The following PLCE1 variants were observed in gnomAD, a reference collection of about 807,000 sequenced individuals.
The protein encoded by PLCE1 is phospholipase C epsilon 1.
In PLCE1, 119 loss-of-function variants were observed where a neutral mutation model predicts 242.8. The observed-to-expected ratio is 0.49, with a 90% CI of 0.42 to 0.57. The LOEUF is 0.57. PLCE1 is among the 20% of genes least tolerant of loss of function. The pLI, the probability that PLCE1 is intolerant of heterozygous loss-of-function variation, is 0.00. For missense variants in PLCE1, 2,441 were observed against 2,788.8 expected (o/e 0.88, Z 2.81); for synonymous variants, 945 against 1,017.4 (o/e 0.93, Z 1.35).
chr10:94,261,954 T>C (rs1452733423), intron 13 of PLCE1, among the ~76,000 whole-genome samples: 2 of 151,664 alleles, frequency 1.3e-5, no homozygotes, highest in African/African-American at 4.8e-5. Context: ...TGCCATGTAA[T>C]ACCACATGGG....
At chr10:94,122,718 C>T (rs1564708850) in intron 2 of PLCE1, among the ~76,000 whole-genome samples, 1 of 152,184 alleles carries the variant, frequency 6.6e-6, no homozygotes, top group Non-Finnish European at 1.5e-5. Flanking sequence ...ATGGTACAGT[C>T]AGAGATGAAA....
chr10:94,162,483 C>T (rs1009496679), intron 3 of PLCE1, among the ~76,000 whole-genome samples: 9 of 152,226 alleles, frequency 5.9e-5, no homozygotes, highest in African/African-American at 1.9e-4. Context: ...GTTTGTATTT[C>T]TGTGGGATCG....
intron 3 of PLCE1, among the ~76,000 whole-genome samples, chr10:94,149,776 T>C (rs1049434882): frequency 4.6e-5 from 7 of 152,080 alleles, no homozygotes; most frequent in Non-Finnish European, 1.0e-4. Context: ...TATTCAACAA[T>C]GATAAAACCC....
intron 2 of PLCE1, among the ~76,000 whole-genome samples, chr10:94,042,888 T>C (rs1443009828): frequency 6.6e-6 from 1 of 152,216 alleles, no homozygotes; most frequent in African/African-American, 2.4e-5. Flanking sequence ...TTCACAATCA[T>C]GCTGAGATAC....
intron 1 of PLCE1, among the ~76,000 whole-genome samples, chr10:93,998,021 C>T (rs1319879523): frequency 6.6e-6 from 1 of 152,182 alleles, no homozygotes. Flanking sequence ...TGGTGGACTA[C>T]CAGGATTGTA....
At chr10:94,218,614 A>G (rs1181798069) in intron 4 of PLCE1, among the ~76,000 whole-genome samples, 2 of 152,148 alleles carry the variant, frequency 1.3e-5, no homozygotes, top group Non-Finnish European at 2.9e-5. Context: ...GAAAATGGAT[A>G]CGGATTTGTA....
At chr10:94,230,553 G>C (rs2050108748) in intron 5 of PLCE1, among the ~76,000 whole-genome samples, 1 of 151,828 alleles carries the variant, frequency 6.6e-6, no homozygotes, top group African/African-American at 2.4e-5. Context: ...TTTAACTCCT[G>C]ACCTCAAGTG....
At chr10:94,185,003 T>C (rs1224346330) in intron 4 of PLCE1, among the ~76,000 whole-genome samples, 2 of 152,218 alleles carry the variant, frequency 1.3e-5, no homozygotes, top group African/African-American at 4.8e-5. Flanking sequence ...TAGGTACTGT[T>C]AGAAATACAA....
At chr10:94,268,840 G>T in intron 16 of PLCE1, 89 bp from the exon 17 acceptor site, 1 of 772,914 alleles carries the variant, frequency 1.3e-6, no homozygotes, top group Non-Finnish European at 2.3e-6. Context: ...TGTAAACACT[G>T]CCTGATATGT....
At chr10:94,179,517 T>TG (rs149741076) in intron 4 of PLCE1, among the ~76,000 whole-genome samples, 1 of 39,520 alleles carries the variant, frequency 2.5e-5, no homozygotes, top group African/African-American at 5.2e-5. Flanking sequence ...GTTTAGTTTT[T>TG]TTTTTTTTTT....
At chr10:94,021,776 G>A (rs373100164) in intron 1 of PLCE1, among the ~76,000 whole-genome samples, 33 of 152,052 alleles carry the variant, frequency 2.2e-4, no homozygotes, top group African/African-American at 6.5e-4. Flanking sequence ...AAAATTAGTC[G>A]ATATAGTTCA....
chr10:94,238,812 G>A (rs2050407919), intron 7 of PLCE1, among the ~76,000 whole-genome samples: 3 of 152,086 alleles, frequency 2.0e-5, no homozygotes, highest in African/African-American at 2.4e-5. Flanking sequence ...TTTCAATATT[G>A]TTGACCCTCT....
At chr10:94,137,161 C>G (rs952480384) in intron 3 of PLCE1, among the ~76,000 whole-genome samples, 6 of 152,142 alleles carry the variant, frequency 3.9e-5, no homozygotes, top group Non-Finnish European at 7.4e-5. Context: ...CCACTGCACT[C>G]CAGCCTGGGC....
chr10:94,006,173 C>T (rs192652769), intron 1 of PLCE1, among the ~76,000 whole-genome samples: 1 of 152,314 alleles, frequency 6.6e-6, no homozygotes, highest in Admixed American at 6.5e-5. Flanking sequence ...CTCTATGCCT[C>T]AGCTTCTGAA....
chr10:94,257,954 C>T (rs2051161383), intron 11 of PLCE1, among the ~76,000 whole-genome samples: 1 of 152,084 alleles, frequency 6.6e-6, no homozygotes, highest in Non-Finnish European at 1.5e-5. Flanking sequence ...AATTTGACTA[C>T]AAACCATAAT....
intron 4 of PLCE1, among the ~76,000 whole-genome samples, chr10:94,173,804 C>G (rs1234202450): frequency 6.6e-6 from 1 of 152,150 alleles, no homozygotes; most frequent in African/African-American, 2.4e-5. Flanking sequence ...CTTAAGAGAA[C>G]AGTCTGTTTC....
Position 94,038,499 on chromosome 10 carries a change from G to A in PLCE1, c.1206+6247G>A, listed in dbSNP as rs2061708534. 3.9e-5 allele frequency among the ~76,000 whole-genome samples: 6 copies of A among 152,238 alleles called. No individual in the cohort carries two copies. In the South Asian group the frequency reaches 1.2e-3, roughly 32 times the overall value. On this transcript the variant is annotated intron_variant, in intron 2 of 32. Coordinates refer to ENST00000371380, the MANE Select transcript of PLCE1 (RefSeq NM_016341.4). ...CCTGAACCCCTAACCCCAAGGCTCA[G>A]TCCCTTACAAGGAACCCCAAACCCT...
intron 3 of PLCE1, among the ~76,000 whole-genome samples, chr10:94,153,936 A>G (rs560505731): frequency 6.6e-6 from 1 of 152,368 alleles, no homozygotes; most frequent in Non-Finnish European, 1.5e-5. Context: ...CATTGTTCAA[A>G]TGGCAATATC....
At position 94,252,540 on chromosome 10, in the gene PLCE1, A is replaced by C. The variant is rs76497622; in HGVS notation, c.3279+42A>C. 2.3e-3 allele frequency: 3,448 copies of C among 1,516,194 alleles called. 81 individuals are homozygous for C. In the African/African-American group the frequency reaches 0.042, roughly 19 times the overall value. 93.9% of individuals were successfully genotyped at this position (1,516,194 alleles called of 1,614,324 possible). ...TTATTAAGCATTAAACCCATCTTCC[A>C]GGACCGCTGTATGGTGAACATCACC... On this transcript the variant is annotated intron_variant, in intron 9 of 32. Coordinates refer to ENST00000371380, the MANE Select transcript of PLCE1 (RefSeq NM_016341.4).
Sources: allele counts gnomAD v4.1 joint callset (sites outside exome capture counted in the v4.1 genomes callset), GRCh38; gene constraint gnomAD v4.1.1; transcripts MANE v1.5; gene names NCBI Gene and HGNC (gene_info 2026-07-23, HGNC 2026-07-21).